The following FHOD3 variants were observed in gnomAD, a reference collection of about 807,000 sequenced individuals.
FHOD3 encodes the protein formin homology 2 domain containing 3, also known as FH1/FH2 domain-containing protein 3.
In FHOD3, 90 loss-of-function variants were observed where a neutral mutation model predicts 173.0. The observed-to-expected ratio is 0.52, with a 90% CI of 0.44 to 0.62. The LOEUF is 0.62. FHOD3 is among the 20% of genes least tolerant of loss of function. The pLI is 0.00. For missense variants in FHOD3, 1,945 were observed against 2,034.7 expected, an observed-to-expected ratio of 0.96 and a Z score of 0.85; for synonymous variants, 828 against 823.0, an observed-to-expected ratio of 1.01 and a Z score of -0.10.
intron 17 of FHOD3, among the ~76,000 whole-genome samples, chr18:36,700,593 C>T (rs1316826725): frequency 2.0e-5 from 3 of 152,278 alleles, no homozygotes; most frequent in African/African-American, 7.2e-5. Context: ...CTGGCCTCAA[C>T]CATCTCTGAT....
intron 17 of FHOD3, among the ~76,000 whole-genome samples, chr18:36,701,690 A>G (rs779507868): frequency 3.3e-5 from 5 of 152,180 alleles, no homozygotes; most frequent in Non-Finnish European, 7.3e-5. Flanking sequence ...GTGAGTTTAG[A>G]GTTTACAGAT....
intron 27 of FHOD3, among the ~76,000 whole-genome samples, chr18:36,761,370 A>T (rs1266929786): frequency 6.6e-6 from 1 of 152,140 alleles, no homozygotes; most frequent in African/African-American, 2.4e-5. Context: ...GATGCATTTG[A>T]CATCTGTGAA....
At chr18:36,488,167 G>A (rs1171080005) in intron 3 of FHOD3, among the ~76,000 whole-genome samples, 4 of 152,154 alleles carry the variant, frequency 2.6e-5, no homozygotes, top group Non-Finnish European at 5.9e-5. Flanking sequence ...AAGAACCCTG[G>A]CCCCATGGGT....
chr18:36,446,695 C>T (rs1249213216), intron 3 of FHOD3, among the ~76,000 whole-genome samples: 1 of 152,174 alleles, frequency 6.6e-6, no homozygotes, highest in Non-Finnish European at 1.5e-5. Context: ...AGTTCATACG[C>T]AAACTTGGCT....
chr18:36,389,858 C>T (rs2048211419), intron 3 of FHOD3, among the ~76,000 whole-genome samples: 1 of 152,114 alleles, frequency 6.6e-6, no homozygotes, highest in Non-Finnish European at 1.5e-5. Flanking sequence ...AGGCTCAGCC[C>T]TTCCTTTTTC....
intron 5 of FHOD3, among the ~76,000 whole-genome samples, chr18:36,538,649 T>C (rs1379165342): frequency 1.3e-5 from 2 of 152,156 alleles, no homozygotes; most frequent in Non-Finnish European, 2.9e-5. Context: ...AGGAATGAAA[T>C]TATTGGCACA....
intron 7 of FHOD3, among the ~76,000 whole-genome samples, chr18:36,597,490 G>A (rs1248411316): frequency 6.6e-6 from 1 of 152,034 alleles, no homozygotes; most frequent in Non-Finnish European, 1.5e-5. Flanking sequence ...GCAGTGTCAC[G>A]ATCTCAGCTC....
intron 28 of FHOD3, among the ~76,000 whole-genome samples, chr18:36,772,750 A>G (rs2043443196): frequency 6.6e-6 from 1 of 152,220 alleles, no homozygotes; most frequent in Non-Finnish European, 1.5e-5. Context: ...GCTGGTGCCA[A>G]TCAGGGGCAC....
intron 20 of FHOD3, among the ~76,000 whole-genome samples, chr18:36,739,189 T>C (rs575777604): frequency 6.6e-6 from 1 of 152,318 alleles, no homozygotes; most frequent in African/African-American, 2.4e-5. Context: ...ACCAAAAACT[T>C]ACTGCCCCTT....
intron 3 of FHOD3, among the ~76,000 whole-genome samples, chr18:36,393,064 T>C (rs573769116): frequency 6.6e-6 from 1 of 152,356 alleles, no homozygotes; most frequent in South Asian, 2.1e-4. Context: ...GAAAGAAAGA[T>C]TAAAATTAGT....
At chr18:36,673,033 G>GTTTA (rs2149332840) in intron 14 of FHOD3, among the ~76,000 whole-genome samples, 1 of 152,200 alleles carries the variant, frequency 6.6e-6, no homozygotes, top group South Asian at 2.1e-4. Flanking sequence ...TCTATTTGCA[G>GTTTA]GTAATTAGAT....
rs1381498202 is a variant in FHOD3, at chr18:36,590,835, A to G, written c.607-3952A>G. ...AGTGGTTTCTTAATTAGAGAGCCAC[A>G]TGTAGGAGAATGGCTTAGGGATTCT... On this transcript the variant is annotated intron_variant, in intron 6 of 28. Coordinates refer to ENST00000590592, the MANE Select transcript of FHOD3 (RefSeq NM_001281740.3). Among the ~76,000 whole-genome samples, 4 of 152,212 alleles carry G rather than the reference A, an allele frequency of 2.6e-5. No individual in the cohort carries two copies. The East Asian group carries it at 7.7e-4, about 29-fold the overall frequency.
At chr18:36,523,859 G>A (rs992416765) in intron 5 of FHOD3, among the ~76,000 whole-genome samples, 1 of 152,188 alleles carries the variant, frequency 6.6e-6, no homozygotes, top group African/African-American at 2.4e-5. Flanking sequence ...ATTAATTGCT[G>A]TAGGATTCCC....
At chr18:36,332,685 C>T (rs977907233) in intron 1 of FHOD3, among the ~76,000 whole-genome samples, 2 of 152,210 alleles carry the variant, frequency 1.3e-5, no homozygotes, top group Non-Finnish European at 2.9e-5. Context: ...CTTATTGGTG[C>T]ACCTGCTAGG....
intron 14 of FHOD3, among the ~76,000 whole-genome samples, chr18:36,674,192 T>C (rs1021767164): frequency 1.3e-5 from 2 of 152,222 alleles, no homozygotes; most frequent in Admixed American, 1.3e-4. Flanking sequence ...TTGGTGACAC[T>C]GAAGCCTTGG....
rs896320996 is a variant in FHOD3, at chr18:36,553,523, C to T, written c.512-22928C>T. Among the ~76,000 whole-genome samples, 5 of 152,122 alleles carry T rather than the reference C, an allele frequency of 3.3e-5. 1 individual carries two copies. The highest frequency in any genetic ancestry group is 4.1e-4 in the South Asian group (2 of 4,824). ...CCTGCTATTGGTCTATTCAGGGATT[C>T]AACTTCTCCTGGTTTAGTCTTGGGA... On this transcript the variant is annotated intron_variant, in intron 5 of 28. Transcript: ENST00000590592.
In FHOD3 at chr18:36,580,601, C is replaced by T. The variant is rs571813064; in HGVS notation, c.606+4056C>T. 1.7e-4 allele frequency among the ~76,000 whole-genome samples: 26 copies of T among 152,328 alleles called. 1 individual carries two copies. The South Asian group carries it at 5.4e-3, about 32-fold the overall frequency. On this transcript the variant is annotated intron_variant, in intron 6 of 28. Transcript: ENST00000590592. ...AGGCAGTAGCTGCCAAGTTTATTTCCAGTCTACATAGTTCTAATGAGATCA... is the reference window on the plus strand; with the variant it reads ...AGGCAGTAGCTGCCAAGTTTATTTCTAGTCTACATAGTTCTAATGAGATCA...
Position 36,718,257 on chromosome 18 carries a change from C to A in FHOD3, c.2959C>A (p.Pro987Thr). The A allele has an allele frequency of 6.2e-7, 1 of 1,614,150 alleles. No homozygotes were observed. The highest frequency in any genetic ancestry group is 8.5e-7 in the Non-Finnish European group (1 of 1,180,022). Residue 987 changes from proline (P) to threonine (T), a missense_variant, in exon 19 of 29, where the codon CCA becomes ACA. This residue lies in a region of FHOD3 where 1,099 missense variants were observed against 1,051.2 expected (regional missense o/e 1.05). Coordinates refer to ENST00000590592, the MANE Select transcript of FHOD3 (RefSeq NM_001281740.3). ...DYIWDQLMANPRELRIQDMDF... is the reference protein window; with the variant it reads ...DYIWDQLMANTRELRIQDMDF... ...CATCTGGGACCAGCTCATGGCCAAT[C>A]CAAGAGAGCTCAGAATCCAAGACAT... is the stretch of plus-strand genomic sequence containing the variant.
At chr18:36,321,881 G>A (rs920683356) in intron 1 of FHOD3, among the ~76,000 whole-genome samples, 8 of 152,226 alleles carry the variant, frequency 5.3e-5, no homozygotes, top group Non-Finnish European at 1.0e-4. Flanking sequence ...TGAGGAGGGC[G>A]TGGGGCTGCA....
Sources: allele counts gnomAD v4.1 joint callset (sites outside exome capture counted in the v4.1 genomes callset), GRCh38; gene constraint gnomAD v4.1.1; regional missense constraint gnomAD v4.1.1; transcripts MANE v1.5; gene names NCBI Gene and HGNC (gene_info 2026-07-23, HGNC 2026-07-21).